Variants in RFX4 observed in about 807,000 individuals in gnomAD.
RFX4 encodes transcription factor RFX4.
RFX4 carries 10 observed loss-of-function variants against 95.0 expected under a neutral mutation model. The observed-to-expected ratio is 0.11, with a 90% CI of 0.06 to 0.18. The LOEUF (loss-of-function observed/expected upper bound fraction) is 0.18, where lower values mean the gene tolerates loss of function less well. Among genes scored for constraint, RFX4 ranks in the 10% least tolerant of loss-of-function variants. The probability of loss-of-function intolerance (pLI) is 1.00; values close to 1 mark genes in which losing one functional copy is unlikely to be tolerated. For missense variants in RFX4, 640 were observed against 922.0 expected, an observed-to-expected ratio of 0.69 and a Z score of 3.96; for synonymous variants, 321 against 340.7, an observed-to-expected ratio of 0.94 and a Z score of 0.64.
chr12:106,730,079 T>G (rs2042582814), intron 13 of RFX4, among the ~76,000 whole-genome samples: 1 of 151,098 alleles, frequency 6.6e-6, no homozygotes, highest in Non-Finnish European at 1.5e-5. Flanking sequence ...AGGACAGGAG[T>G]TTATGGCAGG....
At chr12:106,694,608 C>T (rs1242164250) in intron 7 of RFX4, among the ~76,000 whole-genome samples, 1 of 152,194 alleles carries the variant, frequency 6.6e-6, no homozygotes, top group Non-Finnish European at 1.5e-5. Context: ...CTATCTCAGC[C>T]ATACCCTGAC....
In RFX4 at chr12:106,596,741, G is replaced by A. The variant is rs150105298; in HGVS notation, c.44-12056G>A. ...TATAAGAAAGTGTATTTTTCATTCC[G>A]ATTTTATATGGTTATTTGGAGCTTT... On this transcript the variant is annotated intron_variant, in intron 1 of 17. Coordinates refer to ENST00000392842, the MANE Select transcript of RFX4 (RefSeq NM_213594.3). Among the ~76,000 whole-genome samples, 15 of 152,262 alleles carry A rather than the reference G, an allele frequency of 9.9e-5. No homozygotes were observed. The East Asian group carries it at 1.7e-3, about 18-fold the overall frequency.
intron 5 of RFX4, chr12:106,682,703 A>T (rs2041542000): frequency 6.6e-6 from 1 of 152,416 alleles, no homozygotes; most frequent in African/African-American, 2.4e-5. Flanking sequence ...AGAGCAACAA[A>T]AGAGGAATGG....
chr12:106,642,122 T>C (rs966744422), intron 3 of RFX4, among the ~76,000 whole-genome samples: 4 of 152,134 alleles, frequency 2.6e-5, no homozygotes, highest in African/African-American at 9.6e-5. Flanking sequence ...GTGATTCTCC[T>C]GCTTCAGCCT....
intron 5 of RFX4, chr12:106,684,557 C>A: frequency 4.2e-6 from 2 of 476,008 alleles, no homozygotes; most frequent in Non-Finnish European, 6.8e-6. Flanking sequence ...TCTGAATAGT[C>A]AAGAAGTGGT....
chr12:106,608,997 C>T (rs1044623643), intron 2 of RFX4, 114 bp downstream of exon 2: 2 of 809,072 alleles, frequency 2.5e-6, no homozygotes, highest in Non-Finnish European at 4.0e-6. Context: ...ACAAGACACT[C>T]TCTAGCTATT....
intron 15 of RFX4, among the ~76,000 whole-genome samples, chr12:106,736,375 G>GA (rs1423068809): frequency 1.3e-5 from 2 of 152,302 alleles, no homozygotes; most frequent in African/African-American, 4.8e-5. Context: ...CAGACCCAAT[G>GA]AATCAGAAAC....
chr12:106,657,255 G>C (rs1375710605), intron 4 of RFX4, among the ~76,000 whole-genome samples: 1 of 152,194 alleles, frequency 6.6e-6, no homozygotes, highest in African/African-American at 2.4e-5. Flanking sequence ...CTTAGAGCAG[G>C]CGAGGTTTAA....
At chr12:106,589,061 G>A (rs1443198365) in intron 1 of RFX4, among the ~76,000 whole-genome samples, 1 of 152,138 alleles carries the variant, frequency 6.6e-6, no homozygotes, top group African/African-American at 2.4e-5. Context: ...CTGCCCCTCT[G>A]ATGGCCATAA....
intron 13 of RFX4, among the ~76,000 whole-genome samples, chr12:106,729,312 T>C (rs2042565078): frequency 6.6e-6 from 1 of 152,224 alleles, no homozygotes; most frequent in South Asian, 2.1e-4. Context: ...ATGCTATCTT[T>C]TGACTTGTTT....
intron 4 of RFX4, among the ~76,000 whole-genome samples, chr12:106,672,351 C>T (rs1009384456): frequency 6.6e-6 from 1 of 152,092 alleles, no homozygotes; most frequent in African/African-American, 2.4e-5. Flanking sequence ...CCTGCGGAGC[C>T]CCCAGCTCTG....
chr12:106,663,367 C>A (rs2041113192), intron 4 of RFX4, among the ~76,000 whole-genome samples: 1 of 151,950 alleles, frequency 6.6e-6, no homozygotes, highest in Non-Finnish European at 1.5e-5. Flanking sequence ...TTGTTTATTA[C>A]TGGTATATAG....
At chr12:106,724,534 A>G (rs1429927702) in intron 13 of RFX4, among the ~76,000 whole-genome samples, 1 of 152,238 alleles carries the variant, frequency 6.6e-6, no homozygotes, top group East Asian at 1.9e-4. Context: ...AGAGAAAAGA[A>G]TAATTATTAG....
At chr12:106,689,004 C>T (rs949532582) in intron 6 of RFX4, among the ~76,000 whole-genome samples, 2 of 152,092 alleles carry the variant, frequency 1.3e-5, no homozygotes, top group Admixed American at 6.6e-5. Context: ...CTAGAGCTCA[C>T]AGTCTCAGGG....
chr12:106,641,633 G>A (rs781368806), intron 3 of RFX4, among the ~76,000 whole-genome samples: 8 of 152,096 alleles, frequency 5.3e-5, no homozygotes, highest in Non-Finnish European at 7.4e-5. Context: ...CAAGTCACAA[G>A]GTCAGACAGT....
At chr12:106,589,550 G>A (rs892500588) in intron 1 of RFX4, among the ~76,000 whole-genome samples, 3 of 152,196 alleles carry the variant, frequency 2.0e-5, no homozygotes, top group African/African-American at 7.2e-5. Context: ...TAGGATGAAA[G>A]AGGGTCTGGA....
intron 4 of RFX4, among the ~76,000 whole-genome samples, chr12:106,658,164 G>T (rs527997891): frequency 6.6e-6 from 1 of 152,118 alleles, no homozygotes; most frequent in Non-Finnish European, 1.5e-5. Flanking sequence ...TTACTTGTCA[G>T]GGACCATGTG....
intron 2 of RFX4, among the ~76,000 whole-genome samples, chr12:106,625,007 G>C (rs539088728): frequency 4.6e-5 from 7 of 152,248 alleles, no homozygotes; most frequent in African/African-American, 1.7e-4. Context: ...CAGCACCAGG[G>C]ACCTGGTCAA....
At chr12:106,726,748 G>A (rs1756636416) in intron 13 of RFX4, among the ~76,000 whole-genome samples, 1 of 152,114 alleles carries the variant, frequency 6.6e-6, no homozygotes, top group Non-Finnish European at 1.5e-5. Context: ...GGCAAGAAAA[G>A]CAGAGGAAAA....
Sources: allele counts gnomAD v4.1 joint callset (sites outside exome capture counted in the v4.1 genomes callset), GRCh38; gene constraint gnomAD v4.1.1; transcripts MANE v1.5; gene names NCBI Gene and HGNC (gene_info 2026-07-23, HGNC 2026-07-21).